Variants in FUS observed in about 807,000 individuals in gnomAD.
FUS encodes the protein RNA-binding protein FUS.
In FUS, 5 loss-of-function variants were observed where a neutral mutation model predicts 82.7. That is an observed-to-expected ratio of 0.06 (90% CI 0.03 to 0.13). The LOEUF (loss-of-function observed/expected upper bound fraction) is 0.13, where lower values mean the gene tolerates loss of function less well. Ranked by LOEUF, FUS falls within the 10% of genes least tolerant of loss-of-function variation. The probability of loss-of-function intolerance (pLI) is 1.00; values close to 1 mark genes in which losing one functional copy is unlikely to be tolerated. For missense variants in FUS, 512 were observed against 707.8 expected (o/e 0.72, Z 3.14); for synonymous variants, 281 against 247.4 (o/e 1.14, Z -1.27).
At chr16:31,192,294 G>T (rs1336363646), downstream of FUS, 8 of 527,186 alleles carry the variant, frequency 1.5e-5, no homozygotes, top group East Asian at 3.2e-4. Context: ...TAAGTGATAA[G>T]AGGGGGAAGG....
chr16:31,189,100 C>A (rs1460777155), intron 8 of FUS, 23 bp from the exon 9 acceptor site: 2 of 1,565,018 alleles, frequency 1.3e-6, no homozygotes, highest in African/African-American at 1.4e-5. Context: ...TTCACATTTG[C>A]ATTTTCTCTG....
intron 1 of FUS, among the ~76,000 whole-genome samples, chr16:31,182,035 C>T (rs1285886026): frequency 6.6e-6 from 1 of 151,468 alleles, no homozygotes; most frequent in Non-Finnish European, 1.5e-5. Flanking sequence ...TGGAGTCTTG[C>T]TCTGTTGCCA....
intron 14 of FUS, 141 bp from the exon 15 acceptor site, chr16:31,191,258 C>G (rs2079353595): frequency 6.8e-7 from 1 of 1,474,276 alleles, no homozygotes; most frequent in South Asian, 1.2e-5. Context: ...GGAAAATTAA[C>G]TCAGGGGGAG....
At chr16:31,184,079 G>A (rs898616796) in intron 4 of FUS, 77 bp downstream of exon 4, 5 of 1,612,504 alleles carry the variant, frequency 3.1e-6, no homozygotes, top group Non-Finnish European at 4.2e-6. Flanking sequence ...ACCAGCAGTA[G>A]GAGCAGTTCA....
chr16:31,189,902 A>AGCTGC, intron 10 of FUS, 108 bp downstream of exon 10: 1 of 1,596,238 alleles, frequency 6.3e-7, no homozygotes, highest in African/African-American at 1.3e-5. Context: ...CACTTACTTT[A>AGCTGC]GCTGCGGTTT....
At chr16:31,188,286 T>A in intron 7 of FUS, 39 bp from the exon 8 acceptor site, 1 of 1,607,512 alleles carries the variant, frequency 6.2e-7, no homozygotes, top group African/African-American at 1.3e-5. Flanking sequence ...TTTCCTTGTT[T>A]TTGTTTTTTT....
chr16:31,188,033 T>TG, intron 7 of FUS: 1 of 504,630 alleles, frequency 2.0e-6, no homozygotes, highest in Non-Finnish European at 3.6e-6. Context: ...CCCTGCCACC[T>TG]GTGCTGAGGA....
intron 3 of FUS, chr16:31,183,512 G>C: frequency 2.9e-6 from 1 of 350,710 alleles, no homozygotes; most frequent in Non-Finnish European, 5.5e-6. Flanking sequence ...CCAAGGTCCT[G>C]AAGTGTAACT....
At chr16:31,191,136 A>C in intron 14 of FUS, 26 bp downstream of exon 14, 1 of 1,611,204 alleles carries the variant, frequency 6.2e-7, no homozygotes, top group Non-Finnish European at 8.5e-7. Context: ...AGAATAAAAA[A>C]GTAGAGCAGT....
intron 3 of FUS, 81 bp downstream of exon 3, chr16:31,182,745 C>T: frequency 6.3e-7 from 1 of 1,575,078 alleles, no homozygotes. Context: ...GAGACGGAGT[C>T]TGGTCCTGTT....
At position 31,185,182 on chromosome 16, in the gene FUS, A is replaced by G. The variant is rs906726531; in HGVS notation, c.764+3A>G. Reference sequence around the variant, plus strand: ...CGTGGAGGCAGAGGTGGCATGGGGTAGGTGTCTCATGAGCCAGGGAGTATC... The same window carrying G: ...CGTGGAGGCAGAGGTGGCATGGGGTGGGTGTCTCATGAGCCAGGGAGTATC... On this transcript the variant is annotated splice_donor_region_variant and intron_variant, in intron 6 of 14. Transcript: ENST00000254108. 4 of 1,606,342 alleles carry G rather than the reference A, an allele frequency of 2.5e-6. No homozygotes were observed. The highest frequency in any genetic ancestry group is 2.6e-6 in the Non-Finnish European group (3 of 1,175,900).
At position 31,180,183 on chromosome 16, in the gene FUS, T is replaced by C. The variant is rs778400324; in HGVS notation, c.-32T>C. 3.5e-5 allele frequency: 56 copies of C among 1,608,286 alleles called. No individual in the cohort carries two copies. Among genetic ancestry groups the C allele is most frequent in the Non-Finnish European group, 4.4e-5 (52 of 1,177,154 alleles). ...GGTACTCAGCGGTGTTGGAACTTCG[T>C]TGCTTGCTTGCCTGTGCGCGCGTGC... On this transcript the variant is annotated 5_prime_UTR_variant, in exon 1 of 15. Transcript: ENST00000254108.
chr16:31,180,186 CTTGCTTGCCTG>C lies in FUS; in HGVS notation c.-27_-17del. The C allele has an allele frequency of 6.2e-7, 1 of 1,608,764 alleles. No homozygotes were observed. Among genetic ancestry groups the C allele is most frequent in the Non-Finnish European group, 8.5e-7 (1 of 1,177,358 alleles). On this transcript the variant is annotated 5_prime_UTR_variant, in exon 1 of 15. Transcript: ENST00000254108. Reference sequence around the variant, plus strand: ...ACTCAGCGGTGTTGGAACTTCGTTGCTTGCTTGCCTGTGCGCGCGTGCGCGGACATGGCCTC... The same window carrying C: ...ACTCAGCGGTGTTGGAACTTCGTTGCTGCGCGCGTGCGCGGACATGGCCTC...
At chr16:31,181,723 T>C (rs2079182479) in intron 1 of FUS, among the ~76,000 whole-genome samples, 1 of 152,172 alleles carries the variant, frequency 6.6e-6, no homozygotes, top group South Asian at 2.1e-4. Context: ...AGAGTTAGTC[T>C]CTTGACTCCT....
intron 5 of FUS, among the ~76,000 whole-genome samples, chr16:31,184,625 A>G (rs919959115): frequency 1.3e-5 from 2 of 151,758 alleles, no homozygotes; most frequent in East Asian, 3.9e-4. Context: ...TTGTATTTTT[A>G]GTAGAGACGG....
rs769158500 is a variant in FUS, at chr16:31,190,826, A to T, written c.1377A>T (p.Pro459=). Residue 459 remains proline, a synonymous_variant, in exon 13 of 15, where the codon CCA becomes CCT. Coordinates refer to ENST00000254108, the MANE Select transcript of FUS (RefSeq NM_004960.4). Reference sequence around the variant, plus strand: ...AACCAGATGGCCCAGGAGGGGGACCAGGTGGCTCTCACATGGGTAAGAAAG... The same window carrying T: ...AACCAGATGGCCCAGGAGGGGGACCTGGTGGCTCTCACATGGGTAAGAAAG... The part of the protein sequence containing the change: ...APKPDGPGGG[P]GGSHMGGNYG... The T allele has an allele frequency of 1.5e-5, 24 of 1,614,086 alleles. No homozygotes were observed. The South Asian group carries it at 1.9e-4, about 13-fold the overall frequency.
intron 1 of FUS, among the ~76,000 whole-genome samples, chr16:31,181,628 G>T (rs906867858): frequency 6.6e-6 from 1 of 152,120 alleles, no homozygotes; most frequent in African/African-American, 2.4e-5. Flanking sequence ...TTATTCTGTG[G>T]GTCTGGGCTG....
Position 31,183,838 on chromosome 16 carries a change from C to T in FUS, c.191-20C>T, listed in dbSNP as rs1452735099. 6.2e-7 allele frequency: 1 copy of T among 1,614,158 alleles called. No homozygotes were observed. Among genetic ancestry groups the T allele is most frequent in the Non-Finnish European group, 8.5e-7 (1 of 1,180,018 alleles). On this transcript the variant is annotated intron_variant, in intron 3 of 14. Transcript: ENST00000254108. ...TCTTTCCTGGTGGCTTTTGTGACTC[C>T]CTTTTTCTTATCCTGGTAGCAGGCT...
In FUS at chr16:31,182,613, A is replaced by C; in HGVS notation, c.139A>C (p.Thr47Pro). The C allele has an allele frequency of 6.2e-7, 1 of 1,614,234 alleles. No individual in the cohort carries two copies. The highest frequency in any genetic ancestry group is 1.1e-5 in the South Asian group (1 of 91,088). ...CAGTGGTTATAGCCAGTCCACGGAC[A>C]CTTCAGGCTATGGCCAGAGCAGCTA... The part of the protein sequence containing the change: ...SYSGYSQSTD[T>P]SGYGQSSYSS... The change falls in exon 3 of 15, where the codon ACT (threonine) becomes CCT (proline). Residue 47 changes from threonine (T) to proline (P), a missense_variant. Thr to Pro is a conservative substitution (Grantham distance 38). Transcript: ENST00000254108.
Sources: allele counts gnomAD v4.1 joint callset (sites outside exome capture counted in the v4.1 genomes callset), GRCh38; gene constraint gnomAD v4.1.1; transcripts MANE v1.5; gene names NCBI Gene and HGNC (gene_info 2026-07-23, HGNC 2026-07-21).